Variants in BCAR3 observed in about 807,000 individuals in gnomAD.
BCAR3 encodes breast cancer anti-estrogen resistance protein 3.
Under a neutral mutation model 80.1 loss-of-function variants are expected in BCAR3, and 37 were observed. That is an observed-to-expected ratio of 0.46 (90% CI 0.36 to 0.61). BCAR3 has a LOEUF of 0.61. Among genes scored for constraint, BCAR3 ranks in the 20% least tolerant of loss-of-function variants. The pLI is 0.00. For synonymous variants in BCAR3, 389 were observed against 418.9 expected (o/e 0.93, Z 0.87); for missense variants, 978 against 1,068.2 (o/e 0.92, Z 1.18).
At chr1:93,761,336 CAG>C (rs1651938607) in intron 2 of BCAR3, among the ~76,000 whole-genome samples, 1 of 151,510 alleles carries the variant, frequency 6.6e-6, no homozygotes, top group African/African-American at 2.4e-5. Context: ...TAGAACTGCT[CAG>C]AGAGGAGGTC....
Position 93,818,605 on chromosome 1 carries a change from A to T in BCAR3, c.-63+26962T>A, listed in dbSNP as rs1299929791. ...CACCTGTAAAATGGGAGGTAACAGT[A>T]CTTTCCATCATTAATCAAGTATTTA... On this transcript the variant is annotated intron_variant, in intron 2 of 13. Coordinates refer to the BCAR3 transcript ENST00000370244. Among the ~76,000 whole-genome samples, 3 of 152,362 alleles carry T rather than the reference A, an allele frequency of 2.0e-5. No homozygotes were observed. The East Asian group carries it at 5.8e-4, about 29-fold the overall frequency.
chr1:93,741,688 C>A (rs1420286369), intron 2 of BCAR3, among the ~76,000 whole-genome samples: 2 of 152,128 alleles, frequency 1.3e-5, no homozygotes, highest in Non-Finnish European at 2.9e-5. Context: ...CCTGCCTCAG[C>A]CTCTCGAGTA....
intron 2 of BCAR3, among the ~76,000 whole-genome samples, chr1:93,664,598 TC>T (rs1218429335): frequency 6.6e-6 from 1 of 152,198 alleles, no homozygotes; most frequent in Non-Finnish European, 1.5e-5. Flanking sequence ...TATATAGGAA[TC>T]CAAGACTAAT....
rs375363247 is a variant in BCAR3 at position 93,720,613 on chromosome 1, C to T, written c.-62-14471G>A. Among the ~76,000 whole-genome samples the T allele has an allele frequency of 2.2e-4, 33 of 152,352 alleles. 3 individuals are homozygous for T. Among genetic ancestry groups the T allele is most frequent in the East Asian group, 9.7e-4 (5 of 5,176 alleles). On this transcript the variant is annotated intron_variant, in intron 2 of 13. Transcript: ENST00000370244. ...GCTCCGGTGCTGCGACTGCCTCCTCCACAGGCCAAGACTTAAAACTCCTAC... is the reference window on the plus strand; with the variant it reads ...GCTCCGGTGCTGCGACTGCCTCCTCTACAGGCCAAGACTTAAAACTCCTAC...
chr1:93,577,190 C>A (rs1266312797), intron 7 of BCAR3, among the ~76,000 whole-genome samples: 3 of 152,076 alleles, frequency 2.0e-5, no homozygotes, highest in African/African-American at 7.2e-5. Flanking sequence ...CTAATGACAC[C>A]TCACAGCACA....
intron 3 of BCAR3, among the ~76,000 whole-genome samples, chr1:93,621,030 ATC>A (rs1675291196): frequency 6.6e-6 from 1 of 152,210 alleles, no homozygotes; most frequent in Non-Finnish European, 1.5e-5. Context: ...CCTGCAAGGG[ATC>A]ACCCGCCTAG....
rs1393437605 is a variant in BCAR3 at position 93,561,913 on chromosome 1, T to C, written c.*328A>G. 2 of 193,636 alleles carry C rather than the reference T, an allele frequency of 1.0e-5. No homozygotes were observed. Among genetic ancestry groups the C allele is most frequent in the African/African-American group, 2.3e-5 (1 of 43,110 alleles). The allele number at this position is 193,636 out of a possible 1,614,324, so 12.0% of individuals were successfully genotyped here. On this transcript the variant is annotated 3_prime_UTR_variant, in exon 12 of 12. Transcript: ENST00000260502. Reference sequence around the variant, plus strand: ...TTTTAAACTCTTCTATTTACACTTATCTGACATGGAATTAAAACTAAAATG... The same window carrying C: ...TTTTAAACTCTTCTATTTACACTTACCTGACATGGAATTAAAACTAAAATG...
chr1:93,802,171 G>A (rs1391552672), intron 2 of BCAR3, among the ~76,000 whole-genome samples: 1 of 151,782 alleles, frequency 6.6e-6, no homozygotes, highest in Admixed American at 6.6e-5. Context: ...TTAGCCAGGT[G>A]TGGTGATGTG....
intron 2 of BCAR3, among the ~76,000 whole-genome samples, chr1:93,647,101 C>T (rs550571622): frequency 6.6e-6 from 1 of 152,074 alleles, no homozygotes; most frequent in South Asian, 2.1e-4. Context: ...TAACTCAAAC[C>T]TCATAGAGTT....
At chr1:93,567,518 A>C in intron 10 of BCAR3, 27 bp from the exon 11 acceptor site, 1 of 1,607,966 alleles carries the variant, frequency 6.2e-7, no homozygotes, top group Non-Finnish European at 8.5e-7. Context: ...AGAGTTTTCC[A>C]TATCACATGT....
At chr1:93,770,923 C>T (rs1652338204) in intron 2 of BCAR3, among the ~76,000 whole-genome samples, 2 of 152,136 alleles carry the variant, frequency 1.3e-5, no homozygotes, top group Non-Finnish European at 1.5e-5. Flanking sequence ...TAAACCCAGT[C>T]CCGGCTCTCA....
chr1:93,845,146 A>G (rs1338261953), intron 2 of BCAR3, among the ~76,000 whole-genome samples: 1 of 151,862 alleles, frequency 6.6e-6, no homozygotes, highest in African/African-American at 2.4e-5. Context: ...ACGCATCTCA[A>G]CTGTCACTTA....
chr1:93,695,232 G>A (rs1362075769), intron 3 of BCAR3, among the ~76,000 whole-genome samples: 2 of 152,116 alleles, frequency 1.3e-5, no homozygotes, highest in Non-Finnish European at 1.5e-5. Flanking sequence ...ACTCAGGAAC[G>A]CTCAGATTAA....
intron 6 of BCAR3, 95 bp downstream of exon 6, chr1:93,583,923 C>T (rs1035344619): frequency 2.4e-5 from 30 of 1,248,506 alleles, no homozygotes; most frequent in East Asian, 1.4e-4. Flanking sequence ...GGCCTTGTGT[C>T]GTTTTCGAAT....
At chr1:93,834,748 G>A (rs1490605305) in intron 2 of BCAR3, among the ~76,000 whole-genome samples, 1 of 152,136 alleles carries the variant, frequency 6.6e-6, no homozygotes, top group East Asian at 1.9e-4. Context: ...CACATCTGAT[G>A]CACATACTTT....
chr1:93,740,993 G>A (rs921057573), intron 2 of BCAR3, among the ~76,000 whole-genome samples: 9 of 152,176 alleles, frequency 5.9e-5, no homozygotes, highest in African/African-American at 2.2e-4. Flanking sequence ...GCTGCAGATG[G>A]CCAGGGTGAA....
intron 2 of BCAR3, among the ~76,000 whole-genome samples, chr1:93,833,791 A>G (rs1654665709): frequency 6.6e-6 from 1 of 152,170 alleles, no homozygotes; most frequent in Admixed American, 6.5e-5. Flanking sequence ...CATGCTTTAC[A>G]AACAATTTGT....
intron 2 of BCAR3, among the ~76,000 whole-genome samples, chr1:93,784,456 C>T (rs776739058): frequency 1.3e-5 from 2 of 152,240 alleles, no homozygotes; most frequent in South Asian, 4.2e-4. Context: ...ACAGACCTTT[C>T]CTACTCCTAA....
chr1:93,675,079 A>C, intron 1 of BCAR3, 138 bp from the exon 2 acceptor site: 3 of 658,790 alleles, frequency 4.6e-6, no homozygotes, highest in Non-Finnish European at 7.2e-6. Context: ...ATTTAATGGC[A>C]TCACTAGTGG....
Sources: allele counts gnomAD v4.1 joint callset (sites outside exome capture counted in the v4.1 genomes callset), GRCh38; gene constraint gnomAD v4.1.1; transcripts MANE v1.5; gene names NCBI Gene and HGNC (gene_info 2026-07-23, HGNC 2026-07-21).